The following CPZ variants were observed in gnomAD, a reference collection of about 807,000 sequenced individuals.
The protein encoded by CPZ is carboxypeptidase Z.
Under a neutral mutation model 61.8 loss-of-function variants are expected in CPZ, and 103 were observed. The ratio of observed to expected loss-of-function variants is 1.67; its 90% CI spans 1.42 to 1.96. CPZ has a LOEUF of 1.96. Ranked by LOEUF, CPZ falls within the 30% of genes most tolerant of loss-of-function variation. CPZ has a pLI of 0.00. For missense variants in CPZ, 1,461 were observed against 914.9 expected (o/e 1.60, Z -7.70); for synonymous variants, 551 against 373.7 (o/e 1.47, Z -5.47).
intron 1 of CPZ, among the ~76,000 whole-genome samples, chr4:8,598,384 G>C (rs1260428011): frequency 6.6e-6 from 1 of 152,226 alleles, no homozygotes. Context: ...AGATCCTAGG[G>C]TGAGCTCCGA....
At chr4:8,615,399 G>A (rs144380536) in intron 9 of CPZ, among the ~76,000 whole-genome samples, 2,806 of 152,282 alleles carry the variant, frequency 0.018, 31 homozygotes, top group Middle Eastern at 0.034. Flanking sequence ...GCCTGCGTTC[G>A]AAGAAGCTTC....
chr4:8,603,896 T>G, intron 3 of CPZ, 80 bp from the exon 4 acceptor site: 1 of 1,215,668 alleles, frequency 8.2e-7, no homozygotes, highest in South Asian at 1.2e-5. Context: ...CTAAGGGTGC[T>G]GTGTGTGGTC....
chr4:8,607,498 A>C, intron 7 of CPZ, 73 bp downstream of exon 7: 1 of 1,531,920 alleles, frequency 6.5e-7, no homozygotes. Flanking sequence ...GTGCCCCTCC[A>C]GTCCTGAGCT....
In CPZ at chr4:8,609,243, C is replaced by T. The variant is rs76292888; in HGVS notation, c.1227+1818C>T. 1.8e-3 allele frequency among the ~76,000 whole-genome samples: 167 copies of T among 91,022 alleles called. 1 individual carries two copies. Among genetic ancestry groups the T allele is most frequent in the African/African-American group, 5.4e-3 (153 of 28,444 alleles). The allele number at this position is 91,022 out of a possible 152,430, so 59.7% of individuals were successfully genotyped here. ...ACTTACTCACTCATTGTCACTCATT[C>T]ACTCATCACTCACTCATTCTCTTAT... On this transcript the variant is annotated intron_variant, in intron 7 of 10. Transcript: ENST00000360986.
chr4:8,614,072 G>A (rs545934347), intron 8 of CPZ, among the ~76,000 whole-genome samples: 2 of 152,374 alleles, frequency 1.3e-5, no homozygotes, highest in East Asian at 1.9e-4. Flanking sequence ...TTCCCATTGC[G>A]GGACCCTTAA....
At chr4:8,618,212 C>T (rs192722458) in intron 9 of CPZ, 18 of 572,914 alleles carry the variant, frequency 3.1e-5, no homozygotes, top group Middle Eastern at 4.2e-4. Context: ...AAGCCCAGAA[C>T]GTGCTCGGGT....
chr4:8,611,023 T>A, intron 7 of CPZ: 1 of 329,580 alleles, frequency 3.0e-6, no homozygotes, highest in South Asian at 2.1e-5. Context: ...CATTCACTCA[T>A]TCCCTCACTC....
chr4:8,604,281 G>T (rs1714784720), intron 4 of CPZ, 93 bp downstream of exon 4: 2 of 1,286,762 alleles, frequency 1.6e-6, no homozygotes, highest in Non-Finnish European at 2.1e-6. Context: ...GGGGTGTTTG[G>T]GGTCCTGGGC....
intron 7 of CPZ, among the ~76,000 whole-genome samples, chr4:8,607,845 C>T (rs969697141): frequency 1.3e-5 from 2 of 152,174 alleles, no homozygotes; most frequent in South Asian, 2.1e-4. Flanking sequence ...TCCTGCTTCC[C>T]GGGGGTCGTG....
intron 4 of CPZ, among the ~76,000 whole-genome samples, chr4:8,604,538 G>C (rs1334431795): frequency 6.6e-6 from 1 of 152,192 alleles, no homozygotes; most frequent in Non-Finnish European, 1.5e-5. Flanking sequence ...CTGGAGTGCA[G>C]TGGCACGATC....
chr4:8,606,371 T>C lies in CPZ; in HGVS notation c.906+186T>C, dbSNP rs543115285. On this transcript the variant is annotated intron_variant, in intron 5 of 10. Transcript: ENST00000360986. The stretch of plus-strand genomic sequence containing the variant: ...GGGAGAAGGAAGGCACTGAGAATTC[T>C]AGGTGAATTAAAAAGGTGATGCGTG... Among the ~76,000 whole-genome samples the C allele has an allele frequency of 4.8e-4, 73 of 152,240 alleles. 1 individual carries two copies. Among genetic ancestry groups the C allele is most frequent in the African/African-American group, 1.7e-3 (72 of 41,532 alleles).
rs754274524 is a variant in CPZ, at chr4:8,619,418, G to A, written c.1760G>A (p.Gly587Glu). The A allele has an allele frequency of 6.2e-7, 1 of 1,614,132 alleles. No individual in the cohort carries two copies. The highest frequency in any genetic ancestry group is 8.5e-7 in the Non-Finnish European group (1 of 1,180,000). The change falls in exon 11 of 11, where the codon GGA becomes GAA. Residue 587 changes from glycine (G) to glutamate (E), a missense_variant. By Grantham distance (98) the Gly-to-Glu change is moderately conservative. Transcript: ENST00000360986. ...VDFILQPLGMGPKNFIHGLRR... is the reference protein window; with the variant it reads ...VDFILQPLGMEPKNFIHGLRR... ...TTCATTCTGCAACCTCTGGGGATGG[G>A]ACCCAAGAACTTTATTCATGGGCTG...
At chr4:8,613,837 C>A (rs748870648) in intron 8 of CPZ, among the ~76,000 whole-genome samples, 1 of 152,226 alleles carries the variant, frequency 6.6e-6, no homozygotes, top group East Asian at 1.9e-4. Context: ...AATAGGACCA[C>A]CCTCCTAGAC....
At position 8,601,421 on chromosome 4, in the gene CPZ, G is replaced by T. The variant is rs1033057410; in HGVS notation, c.420G>T (p.Trp140Cys). Residue 140 changes from tryptophan to cysteine, a missense_variant, in exon 3 of 11, where the codon TGG (tryptophan) becomes TGT (cysteine). Physicochemically the swap from Trp to Cys is radical, Grantham distance 215. Transcript: ENST00000360986. ...CCTTCGACGCCATTGACATGGCCTGGCCCTACTTCCTTGACTGCCACCGCT... is the reference window on the plus strand; with the variant it reads ...CCTTCGACGCCATTGACATGGCCTGTCCCTACTTCCTTGACTGCCACCGCT... The part of the protein sequence containing the change: ...QPAFDAIDMA[W>C]PYFLDCHRYF... The T allele has an allele frequency of 3.2e-6, 5 of 1,571,244 alleles. No homozygotes were observed. The African/African-American group carries it at 6.8e-5, about 21-fold the overall frequency.
At chr4:8,614,278 CTG>C in intron 8 of CPZ, 79 bp from the exon 9 acceptor site, 2 of 1,484,134 alleles carry the variant, frequency 1.3e-6, no homozygotes, top group Non-Finnish European at 1.8e-6. Context: ...CCGGCTGTCT[CTG>C]TGCGGCTGAC....
chr4:8,605,123 G>A (rs767240480), intron 4 of CPZ, among the ~76,000 whole-genome samples: 15 of 152,212 alleles, frequency 9.9e-5, no homozygotes, highest in African/African-American at 2.2e-4. Context: ...TTTATACCCC[G>A]GGATGTGGCA....
At chr4:8,598,775 G>T (rs1714364380) in intron 1 of CPZ, among the ~76,000 whole-genome samples, 1 of 152,276 alleles carries the variant, frequency 6.6e-6, no homozygotes, top group African/African-American at 2.4e-5. Context: ...GCTGTGTTTG[G>T]CCTTCTCAGA....
At chr4:8,605,939 G>C (rs374128411) in intron 4 of CPZ, 50 bp from the exon 5 acceptor site, 21 of 1,574,904 alleles carry the variant, frequency 1.3e-5, no homozygotes, top group Non-Finnish European at 1.7e-5. Context: ...CATGCCTTTG[G>C]GGACCCCCGG....
At chr4:8,607,550 T>A (rs1262800829) in intron 7 of CPZ, 125 bp downstream of exon 7, 4 of 1,122,966 alleles carry the variant, frequency 3.6e-6, no homozygotes, top group Non-Finnish European at 2.5e-6. Context: ...TCAGAGCGGG[T>A]CAGCACCACC....
Sources: allele counts gnomAD v4.1 joint callset (sites outside exome capture counted in the v4.1 genomes callset), GRCh38; gene constraint gnomAD v4.1.1; transcripts MANE v1.5; gene names NCBI Gene and HGNC (gene_info 2026-07-23, HGNC 2026-07-21).